The following ASTN2 variants were observed in gnomAD, a reference collection of about 807,000 sequenced individuals.
The protein encoded by ASTN2 is astrotactin-2.
A neutral mutation model predicts 139.8 loss-of-function variants in ASTN2; 54 were observed. The observed-to-expected ratio is 0.39, with a 90% CI of 0.31 to 0.48. The LOEUF (loss-of-function observed/expected upper bound fraction) is 0.48. ASTN2 is among the 20% of genes least tolerant of loss of function. ASTN2 has a pLI of 0.95. For synonymous variants in ASTN2, 756 were observed against 719.5 expected (o/e 1.05, Z -0.81); for missense variants, 1,565 against 1,725.1 (o/e 0.91, Z 1.64).
chr9:117,110,073 G>GTA (rs549499832), intron 4 of ASTN2, among the ~76,000 whole-genome samples: 248 of 152,062 alleles, frequency 1.6e-3, no homozygotes, highest in African/African-American at 5.6e-3. Flanking sequence ...AAAATGTTAT[G>GTA]TATATATATG....
rs1587916825 is a variant in ASTN2, at chr9:117,060,435, AGAGAGAGAGAAAGAAAGAAAGAAAGG to A, written c.1277-20496_1277-20471del. 1.3e-4 allele frequency among the ~76,000 whole-genome samples: 5 copies of A among 38,942 alleles called. No individual in the cohort carries two copies. The East Asian group carries it at 5.8e-3, about 45-fold the overall frequency. The allele number at this position is 38,942 out of a possible 152,430, so 25.5% of individuals were successfully genotyped here. A position where few individuals can be genotyped will look rare whatever the true frequency, so the allele number is the denominator to read the frequency against. ...GAAGGAAAGGAAGGAAGGAAGGAAG[AGAGAGAGAGAAAGAAAGAAAGAAAGG>A]AAGGAAGGAAGGAAGGAAGGAAGGA... On this transcript the variant is annotated intron_variant, in intron 5 of 22. Transcript: ENST00000313400.
intron 1 of ASTN2, among the ~76,000 whole-genome samples, chr9:117,313,794 G>A (rs1319635005): frequency 6.6e-6 from 1 of 152,138 alleles, no homozygotes; most frequent in Admixed American, 6.5e-5. Flanking sequence ...GTGCAAGGAG[G>A]AGCAGAATTT....
chr9:117,003,953 C>CGCGCGCGTGCGCGCGCGT (rs1218309835), intron 7 of ASTN2, among the ~76,000 whole-genome samples: 2 of 146,226 alleles, frequency 1.4e-5, no homozygotes, highest in African/African-American at 5.2e-5. Context: ...CGCGCGCGCG[C>CGCGCGCGTGCGCGCGCGT]GTGTGTGTGT....
At chr9:116,835,775 C>T (rs1406232183) in intron 11 of ASTN2, among the ~76,000 whole-genome samples, 2 of 152,140 alleles carry the variant, frequency 1.3e-5, no homozygotes, top group African/African-American at 2.4e-5. Flanking sequence ...GAGTTTGGCT[C>T]TTCTCATTGA....
intron 3 of ASTN2, among the ~76,000 whole-genome samples, chr9:117,160,386 T>C (rs1445379840): frequency 6.7e-6 from 1 of 149,076 alleles, no homozygotes; most frequent in Non-Finnish European, 1.5e-5. Context: ...TCCATATAAA[T>C]CACAATAACA....
At chr9:117,411,019 G>A (rs1360733911) in intron 1 of ASTN2, among the ~76,000 whole-genome samples, 1 of 152,050 alleles carries the variant, frequency 6.6e-6, no homozygotes, top group Non-Finnish European at 1.5e-5. Context: ...TTCATATTTG[G>A]TTCAGAATAC....
intron 3 of ASTN2, among the ~76,000 whole-genome samples, chr9:117,160,194 C>G (rs753512072): frequency 6.6e-6 from 1 of 151,944 alleles, no homozygotes; most frequent in Admixed American, 6.6e-5. Flanking sequence ...GAATGGTAAT[C>G]CAAGCTATTA....
chr9:116,946,669 G>A (rs1012532850), intron 10 of ASTN2, among the ~76,000 whole-genome samples: 1 of 152,040 alleles, frequency 6.6e-6, no homozygotes, highest in Non-Finnish European at 1.5e-5. Context: ...GTCTACTCCG[G>A]GAGTGTTTTT....
chr9:116,595,352 G>A (rs565871558), intron 19 of ASTN2, among the ~76,000 whole-genome samples: 2 of 149,406 alleles, frequency 1.3e-5, no homozygotes, highest in South Asian at 2.1e-4. Context: ...TGTTGAGACG[G>A]AGTCTCACTC....
chr9:116,525,337 T>A (rs1222276469), intron 19 of ASTN2, among the ~76,000 whole-genome samples: 1 of 152,192 alleles, frequency 6.6e-6, no homozygotes, highest in Non-Finnish European at 1.5e-5. Flanking sequence ...GTATGTGCTG[T>A]AGATCATGCT....
At chr9:117,315,065 C>G (rs1828102142) in intron 1 of ASTN2, among the ~76,000 whole-genome samples, 1 of 150,518 alleles carries the variant, frequency 6.6e-6, no homozygotes, top group African/African-American at 2.4e-5. Context: ...ACAGTAATAC[C>G]AAATGCTTAC....
intron 1 of ASTN2, among the ~76,000 whole-genome samples, chr9:117,409,682 C>G (rs1007526422): frequency 1.3e-5 from 2 of 152,206 alleles, no homozygotes; most frequent in African/African-American, 4.8e-5. Flanking sequence ...GCCACACAGG[C>G]TGGAGTGCTG....
At chr9:116,812,400 T>C (rs1451491873) in intron 12 of ASTN2, among the ~76,000 whole-genome samples, 2 of 152,120 alleles carry the variant, frequency 1.3e-5, no homozygotes, top group African/African-American at 4.8e-5. Context: ...GAAATGCAAC[T>C]TAGAAGCAGA....
chr9:116,465,393 G>A (rs1213071874), intron 20 of ASTN2, among the ~76,000 whole-genome samples: 12 of 152,124 alleles, frequency 7.9e-5, no homozygotes, highest in Admixed American at 6.5e-4. Context: ...TGGGGCATCC[G>A]GCCCTGATAA....
chr9:117,366,778 C>T (rs1252116054), intron 1 of ASTN2, among the ~76,000 whole-genome samples: 1 of 152,022 alleles, frequency 6.6e-6, no homozygotes, highest in Non-Finnish European at 1.5e-5. Context: ...ACTTCATCTT[C>T]TCTTTTTTTT....
At chr9:116,427,615 C>A (rs1173164746) in intron 22 of ASTN2, among the ~76,000 whole-genome samples, 1 of 152,242 alleles carries the variant, frequency 6.6e-6, no homozygotes, top group Non-Finnish European at 1.5e-5. Context: ...TTTACAACAA[C>A]AGACCCCACA....
chr9:117,012,782 C>A (rs1837571334), intron 6 of ASTN2, among the ~76,000 whole-genome samples: 2 of 152,178 alleles, frequency 1.3e-5, no homozygotes, highest in African/African-American at 4.8e-5. Context: ...AGGCTAGACT[C>A]CATAACTGGC....
intron 19 of ASTN2, among the ~76,000 whole-genome samples, chr9:116,505,973 G>GTA (rs899644454): frequency 2.6e-5 from 4 of 152,066 alleles, no homozygotes; most frequent in Non-Finnish European, 5.9e-5. Flanking sequence ...TAACTAAATG[G>GTA]TATGCCCCCA....
At chr9:117,102,520 G>T (rs79488720) in intron 4 of ASTN2, among the ~76,000 whole-genome samples, 2,284 of 152,124 alleles carry the variant, frequency 0.015, 61 homozygotes, top group African/African-American at 0.052. Context: ...ACTTTAAAAT[G>T]ATTTATTATT....
Sources: allele counts gnomAD v4.1 joint callset (sites outside exome capture counted in the v4.1 genomes callset), GRCh38; gene constraint gnomAD v4.1.1; transcripts MANE v1.5; gene names NCBI Gene and HGNC (gene_info 2026-07-23, HGNC 2026-07-21).